Variants in SLC38A1 observed in about 807,000 individuals in gnomAD.
The protein encoded by SLC38A1 is sodium-coupled neutral amino acid symporter 1.
SLC38A1 carries 18 observed loss-of-function variants against 60.3 expected under a neutral mutation model. That is an observed-to-expected ratio of 0.30 (90% CI 0.21 to 0.44). The LOEUF is 0.44. SLC38A1 is among the 20% of genes least tolerant of loss of function. The probability of loss-of-function intolerance (pLI) is 1.00; values close to 1 mark genes in which losing one functional copy is unlikely to be tolerated. For missense variants in SLC38A1, 448 were observed against 587.2 expected, an observed-to-expected ratio of 0.76 and a Z score of 2.45; for synonymous variants, 196 against 212.1, an observed-to-expected ratio of 0.92 and a Z score of 0.66.
At chr12:46,243,981 T>C (rs2138410901) in intron 1 of SLC38A1, among the ~76,000 whole-genome samples, 2 of 152,286 alleles carry the variant, frequency 1.3e-5, no homozygotes, top group Middle Eastern at 6.8e-3. Flanking sequence ...CAAAGAAACT[T>C]ATCTGGCCTT....
chr12:46,189,051 C>A lies in SLC38A1; in HGVS notation c.1383G>T (p.Leu461=). ...QRIWAALFLG[L]GVLFSLVSIP... ...TGCTGACCAAGGAGAACAACACCCC[C>A]AGGCCCAAGAAAAGGGCAGCCTGGA... The change falls in exon 17 of 17, where the codon CTG becomes CTT. Residue 461 remains leucine (L), a synonymous_variant. Transcript: ENST00000398637. 1 of 1,613,720 alleles carries A rather than the reference C, an allele frequency of 6.2e-7. No homozygotes were observed. Among genetic ancestry groups the A allele is most frequent in the Non-Finnish European group, 8.5e-7 (1 of 1,179,796 alleles).
At chr12:46,248,877 C>A (rs1941722062) in intron 1 of SLC38A1, among the ~76,000 whole-genome samples, 3 of 152,176 alleles carry the variant, frequency 2.0e-5, no homozygotes, top group Admixed American at 2.0e-4. Flanking sequence ...TCACTCAAGG[C>A]CAGGTGCGAT....
chr12:46,267,740 A>T (rs1942403637), intron 1 of SLC38A1: 1 of 152,212 alleles, frequency 6.6e-6, no homozygotes, highest in Admixed American at 6.5e-5. Context: ...GTTGGGGAGG[A>T]GGTGGGACTG....
At chr12:46,265,569 A>C (rs927680772) in intron 1 of SLC38A1, among the ~76,000 whole-genome samples, 1 of 152,216 alleles carries the variant, frequency 6.6e-6, no homozygotes, top group Non-Finnish European at 1.5e-5. Context: ...AAAAATTGGA[A>C]AGAGATGAGA....
At chr12:46,209,323 A>T (rs1940045383) in intron 5 of SLC38A1, among the ~76,000 whole-genome samples, 196 bp from the exon 6 acceptor site, 1 of 152,248 alleles carries the variant, frequency 6.6e-6, no homozygotes, top group African/African-American at 2.4e-5. Context: ...TGCTCATTAG[A>T]ATCTGAGTAA....
Position 46,268,541 on chromosome 12 carries a change from GAAAGGTGGCA to G in SLC38A1, c.-234_-225del, listed in dbSNP as rs1377178487. On this transcript the variant is annotated 5_prime_UTR_variant, in exon 1 of 17. Transcript: ENST00000398637. The surrounding 1 kb of genome is among the most constrained non-coding windows in gnomAD (Gnocchi z 4.4). ...ATCACCTTACCTCCGGAAATAAAGG[GAAAGGTGGCA>G]AAAGGCGATGTGGAGGTGTCCGCCC... 1 of 167,052 alleles carries G rather than the reference GAAAGGTGGCA, an allele frequency of 6.0e-6. No homozygotes were observed. Among genetic ancestry groups the G allele is most frequent in the Admixed American group, 6.1e-5 (1 of 16,408 alleles). 10.3% of individuals were successfully genotyped at this position (167,052 alleles called of 1,614,324 possible).
intron 5 of SLC38A1, among the ~76,000 whole-genome samples, chr12:46,220,716 T>C (rs1392864291): frequency 6.6e-6 from 1 of 152,190 alleles, no homozygotes; most frequent in Non-Finnish European, 1.5e-5. Flanking sequence ...TGTAAAGTAA[T>C]AAAGCAACGA....
rs1939017733 is a variant in SLC38A1 at position 46,188,616 on chromosome 12, T to C, written c.*354A>G. The C allele has an allele frequency of 6.0e-6, 1 of 166,086 alleles. No homozygotes were observed. The highest frequency in any genetic ancestry group is 2.4e-5 in the African/African-American group (1 of 41,906). 10.3% of individuals were successfully genotyped at this position (166,086 alleles called of 1,614,324 possible). On this transcript the variant is annotated 3_prime_UTR_variant, in exon 17 of 17. Coordinates refer to ENST00000398637, the MANE Select transcript of SLC38A1 (RefSeq NM_030674.4). ...TAGGAAAATTATTTCAGAATCTGGA[T>C]GTATAATAAATAAACATTATTGTAT...
chr12:46,209,267 C>A, intron 5 of SLC38A1, 140 bp from the exon 6 acceptor site: 1 of 536,766 alleles, frequency 1.9e-6, no homozygotes, highest in Non-Finnish European at 3.3e-6. Flanking sequence ...TATTAGTCAT[C>A]CCTGCTTTAA....
intron 9 of SLC38A1, among the ~76,000 whole-genome samples, chr12:46,205,099 G>C (rs2137147069): frequency 6.6e-6 from 1 of 152,134 alleles, no homozygotes; most frequent in East Asian, 1.9e-4. Flanking sequence ...TGAGTATCTG[G>C]GGCTCTTTAG....
At chr12:46,235,722 A>G (rs1021550192) in intron 3 of SLC38A1, among the ~76,000 whole-genome samples, 5 of 152,212 alleles carry the variant, frequency 3.3e-5, no homozygotes, top group African/African-American at 1.2e-4. Flanking sequence ...ACAAACTCCA[A>G]AAGATATATA....
At chr12:46,257,808 AG>A (rs1222343483) in intron 1 of SLC38A1, among the ~76,000 whole-genome samples, 1 of 152,176 alleles carries the variant, frequency 6.6e-6, no homozygotes, top group Non-Finnish European at 1.5e-5. Flanking sequence ...TCTGCACTAT[AG>A]CCCCTTCGTG....
intron 1 of SLC38A1, among the ~76,000 whole-genome samples, chr12:46,258,282 C>T (rs1021759637): frequency 6.6e-6 from 1 of 152,312 alleles, no homozygotes; most frequent in Middle Eastern, 3.4e-3. Context: ...AGCTCAGTGG[C>T]TCTCAGCCTC....
At chr12:46,250,149 T>G (rs1327418489) in intron 1 of SLC38A1, among the ~76,000 whole-genome samples, 1 of 152,102 alleles carries the variant, frequency 6.6e-6, no homozygotes, top group African/African-American at 2.4e-5. Flanking sequence ...ACAATCAAAT[T>G]GACTTCATCT....
intron 16 of SLC38A1, among the ~76,000 whole-genome samples, chr12:46,192,409 C>T (rs909420400): frequency 2.6e-5 from 4 of 152,082 alleles, no homozygotes; most frequent in Non-Finnish European, 5.9e-5. Flanking sequence ...TTTGTTGTGT[C>T]TCCACCAGGC....
chr12:46,259,121 G>T (rs952614859), intron 1 of SLC38A1, among the ~76,000 whole-genome samples: 1 of 152,120 alleles, frequency 6.6e-6, no homozygotes, highest in South Asian at 2.1e-4. Context: ...ATTTTACCAC[G>T]CATATGTATA....
At chr12:46,261,973 G>T (rs1354567504) in intron 1 of SLC38A1, among the ~76,000 whole-genome samples, 1 of 152,136 alleles carries the variant, frequency 6.6e-6, no homozygotes, top group Non-Finnish European at 1.5e-5. Flanking sequence ...CAATGCACAG[G>T]ACAGCCACAC....
chr12:46,268,659 A>C lies in SLC38A1; in HGVS notation c.-342T>G. On this transcript the variant is annotated 5_prime_UTR_variant, in exon 1 of 17. Transcript: ENST00000398637. This position sits in a 1 kb window ranked among gnomAD's most constrained non-coding sequence, Gnocchi z 4.4. Reference sequence around the variant, plus strand: ...AGGCCGGGAAAATGTGGCCCCCGTCAGTAAGGGTTGGGCAGGGAGCTTGGC... The same window carrying C: ...AGGCCGGGAAAATGTGGCCCCCGTCCGTAAGGGTTGGGCAGGGAGCTTGGC... The C allele has an allele frequency of 4.1e-6, 1 of 244,114 alleles. No individual in the cohort carries two copies. The highest frequency in any genetic ancestry group is 3.5e-5 in the South Asian group (1 of 28,816). The allele number at this position is 244,114 out of a possible 1,614,324, so 15.1% of individuals were successfully genotyped here.
chr12:46,261,838 T>C (rs1429904011), intron 1 of SLC38A1, among the ~76,000 whole-genome samples: 1 of 152,194 alleles, frequency 6.6e-6, no homozygotes, highest in East Asian at 1.9e-4. Context: ...CTGGGGACAA[T>C]TGTGTCCCTC....
Sources: allele counts gnomAD v4.1 joint callset (sites outside exome capture counted in the v4.1 genomes callset), GRCh38; gene constraint gnomAD v4.1.1; non-coding constraint Gnocchi (gnomAD v3.1); transcripts MANE v1.5; gene names NCBI Gene and HGNC (gene_info 2026-07-23, HGNC 2026-07-21).